PTPRS: variants seen among roughly 807,000 people sequenced by gnomAD.
PTPRS encodes protein tyrosine phosphatase receptor type S, also known as receptor-type tyrosine-protein phosphatase S.
In PTPRS, 63 loss-of-function variants were observed where a neutral mutation model predicts 215.3. The observed-to-expected ratio is 0.29, with a 90% CI of 0.24 to 0.36. The LOEUF is 0.36. Among genes scored for constraint, PTPRS ranks in the 10% least tolerant of loss-of-function variants. PTPRS has a pLI of 1.00. For synonymous variants in PTPRS, 1,404 were observed against 1,191.4 expected (o/e 1.18, Z -3.68); for missense variants, 2,258 against 2,825.8 (o/e 0.80, Z 4.56).
rs1284696753 is a variant in PTPRS at position 5,244,856 on chromosome 19, A to C, written c.989-374T>G. On this transcript the variant is annotated intron_variant, in intron 10 of 37. Transcript: ENST00000262963. The surrounding 1 kb of genome is among the most constrained non-coding windows in gnomAD (Gnocchi z 7.2). ...AGCTAATTTTTTGTATTTTCAGTTG[A>C]GACGGGTTTCACTGTGTTAGCCAGG... 7.0e-6 allele frequency among the ~76,000 whole-genome samples: 1 copy of C among 142,416 alleles called. No individual in the cohort carries two copies. Among genetic ancestry groups the C allele is most frequent in the Non-Finnish European group, 1.5e-5 (1 of 67,154 alleles). 93.4% of individuals were successfully genotyped at this position (142,416 alleles called of 152,430 possible).
chr19:5,216,855 C>A, intron 25 of PTPRS, 88 bp from the exon 26 acceptor site: 2 of 878,260 alleles, frequency 2.3e-6, no homozygotes, highest in South Asian at 1.5e-5. Context: ...CACTGGCTGG[C>A]GGATGCAAAG....
intron 2 of PTPRS, among the ~76,000 whole-genome samples, chr19:5,278,497 C>T (rs528514073): frequency 2.2e-4 from 33 of 151,784 alleles, no homozygotes; most frequent in African/African-American, 6.8e-4. Context: ...TTTATTTCTG[C>T]GGCAGGGTCT....
chr19:5,311,085 G>T (rs2049686861), intron 1 of PTPRS, among the ~76,000 whole-genome samples: 1 of 151,994 alleles, frequency 6.6e-6, no homozygotes, highest in Non-Finnish European at 1.5e-5. Flanking sequence ...TTACCCTGTT[G>T]GCCAGGATGG....
At chr19:5,327,388 C>T (rs1021171868) in intron 1 of PTPRS, among the ~76,000 whole-genome samples, 2 of 152,200 alleles carry the variant, frequency 1.3e-5, no homozygotes, top group African/African-American at 2.4e-5. Flanking sequence ...GCCTCACCCC[C>T]ATTTTGCAGA....
At chr19:5,211,892 G>A (rs367969268) in intron 32 of PTPRS, 73 bp downstream of exon 32, 82 of 1,554,298 alleles carry the variant, frequency 5.3e-5, no homozygotes, top group Admixed American at 2.0e-4. Context: ...CCCATTGCTC[G>A]AGGCGGGCCT....
Position 5,231,590 on chromosome 19 carries a change from A to C in PTPRS, c.1875T>G (p.Val625=). 1 of 1,557,438 alleles carries C rather than the reference A, an allele frequency of 6.4e-7. No individual in the cohort carries two copies. Residue 625 remains valine (V), a synonymous_variant, in exon 14 of 38, where the codon GTT becomes GTG. Coordinates refer to ENST00000262963, the MANE Select transcript of PTPRS (RefSeq NM_002850.4). The part of the protein sequence containing the change: ...QSKPSAPPQD[V]KCVSVRSTAI... ...CCGTGGAGCGCACGCTGACACATTT[A>C]ACGTCTTGAGGGGGGGCTGACGGTT...
intron 1 of PTPRS, among the ~76,000 whole-genome samples, chr19:5,300,767 C>CAAAAAAAAAAAAAAAAAAAAA (rs59799136): frequency 1.0e-5 from 1 of 97,768 alleles, no homozygotes; most frequent in Non-Finnish European, 2.0e-5. Flanking sequence ...GACTCCGTCT[C>CAAAAAAAAAAAAAAAAAAAAA]AAAAAAAAAA....
chr19:5,285,811 G>A (rs916937559), intron 2 of PTPRS, among the ~76,000 whole-genome samples: 6 of 152,208 alleles, frequency 3.9e-5, no homozygotes, highest in East Asian at 3.8e-4. Flanking sequence ...AACAGACGCC[G>A]TCATCATCAT....
chr19:5,289,820 G>A (rs1017546945), intron 1 of PTPRS, among the ~76,000 whole-genome samples: 1 of 152,190 alleles, frequency 6.6e-6, no homozygotes, highest in Non-Finnish European at 1.5e-5. Flanking sequence ...GAGAGGGGGA[G>A]AGATGAGGAC....
chr19:5,207,025 G>A (rs905229605), intron 37 of PTPRS, among the ~76,000 whole-genome samples, 183 bp from the exon 38 acceptor site: 7 of 152,200 alleles, frequency 4.6e-5, no homozygotes, highest in African/African-American at 1.7e-4. Flanking sequence ...GCCTAACACA[G>A]CCAGGCTCTT....
chr19:5,247,257 G>T (rs1430376315), intron 9 of PTPRS, among the ~76,000 whole-genome samples: 1 of 151,590 alleles, frequency 6.6e-6, no homozygotes, highest in Non-Finnish European at 1.5e-5. Flanking sequence ...TGAACGTTGA[G>T]AGAACAGGGA....
chr19:5,280,865 C>T (rs979459089), intron 2 of PTPRS, among the ~76,000 whole-genome samples: 1 of 151,698 alleles, frequency 6.6e-6, no homozygotes, highest in African/African-American at 2.4e-5. Context: ...AATCTTGGCT[C>T]ATTGCAACCT....
chr19:5,256,828 C>T (rs1262361738), intron 8 of PTPRS, among the ~76,000 whole-genome samples: 4 of 152,114 alleles, frequency 2.6e-5, no homozygotes, highest in African/African-American at 7.2e-5. Context: ...CACTTCAGGG[C>T]CAGCGGGTGC....
intron 15 of PTPRS, 30 bp downstream of exon 15, chr19:5,229,461 T>TCCCCGG: frequency 7.3e-7 from 1 of 1,375,402 alleles, no homozygotes; most frequent in Non-Finnish European, 9.4e-7. Context: ...CCGGAGCCCG[T>TCCCCGG]CCCCGGCCCC....
chr19:5,258,691 A>G (rs1404845953), intron 7 of PTPRS, among the ~76,000 whole-genome samples: 2 of 152,134 alleles, frequency 1.3e-5, no homozygotes, highest in African/African-American at 4.8e-5. Context: ...GTAAATGGAG[A>G]CGGGGTTGTA....
chr19:5,288,377 ACAGT>A (rs2048538485), intron 1 of PTPRS, among the ~76,000 whole-genome samples: 1 of 152,176 alleles, frequency 6.6e-6, no homozygotes, highest in African/African-American at 2.4e-5. Flanking sequence ...ATGCACACAC[ACAGT>A]CAGACTCTAG....
rs139336866 is a variant in PTPRS at position 5,265,169 on chromosome 19, T to G, written c.407A>C (p.Asn136Thr). The G allele has an allele frequency of 2.5e-6, 4 of 1,613,640 alleles. No individual in the cohort carries two copies. Among genetic ancestry groups the G allele is most frequent in the Non-Finnish European group, 3.4e-6 (4 of 1,179,882 alleles). Reference sequence around the variant, plus strand: ...CTTCAACTGTGGGCCCATGTCGATGTTGGGGAAGCCAGAGGGCAGCTGGTC... The same window carrying G: ...CTTCAACTGTGGGCCCATGTCGATGGTGGGGAAGCCAGAGGGCAGCTGGTC... Reference protein sequence around the residue: ...REDQLPSGFPNIDMGPQLKVV... With the variant: ...REDQLPSGFPTIDMGPQLKVV... The change falls in exon 5 of 38, where the codon AAC (asparagine) becomes ACC (threonine). Residue 136 changes from asparagine (N) to threonine (T), a missense_variant. Asn to Thr is a moderately conservative substitution (Grantham distance 65). This residue lies in a region of PTPRS where 508 missense variants were observed against 799.4 expected (regional missense o/e 0.64). Transcript: ENST00000262963.
At chr19:5,269,816 G>A (rs931433426) in intron 4 of PTPRS, among the ~76,000 whole-genome samples, 1 of 151,620 alleles carries the variant, frequency 6.6e-6, no homozygotes, top group Admixed American at 6.6e-5. Context: ...AGCTACTCAG[G>A]AGGCTGAGCC....
At position 5,244,648 on chromosome 19, in the gene PTPRS, T is replaced by A. The variant is rs1236995312; in HGVS notation, c.989-166A>T. Reference sequence around the variant, plus strand: ...TCGTCTACAGCAAGGGGTAACAAACTATGGCCCAGGGTCCACCCAGTACCC... The same window carrying A: ...TCGTCTACAGCAAGGGGTAACAAACAATGGCCCAGGGTCCACCCAGTACCC... On this transcript the variant is annotated intron_variant, in intron 10 of 37. Transcript: ENST00000262963. This position sits in a 1 kb window ranked among gnomAD's most constrained non-coding sequence, Gnocchi z 7.2. 6.6e-6 allele frequency among the ~76,000 whole-genome samples: 1 copy of A among 152,170 alleles called. No homozygotes were observed. The highest frequency in any genetic ancestry group is 2.4e-5 in the African/African-American group (1 of 41,444).
Sources: gnomAD v4.1 joint callset for allele counts (sites outside exome capture counted in the v4.1 genomes callset) on GRCh38, gnomAD v4.1.1 for gene constraint, gnomAD v4.1.1 regional missense constraint, Gnocchi (gnomAD v3.1) non-coding constraint, MANE v1.5 for transcripts, NCBI Gene and HGNC (gene_info 2026-07-23, HGNC 2026-07-21) for gene names.